CDH10: variants seen among roughly 807,000 people sequenced by gnomAD.
CDH10 encodes the protein cadherin-10.
A neutral mutation model predicts 73.1 loss-of-function variants in CDH10; 30 were observed. That is an observed-to-expected ratio of 0.41 (90% CI 0.31 to 0.56). CDH10 has a LOEUF of 0.56. CDH10 is among the 20% of genes least tolerant of loss of function. The probability of loss-of-function intolerance (pLI) is 0.27; values close to 1 mark genes in which losing one functional copy is unlikely to be tolerated. For synonymous variants in CDH10, 345 were observed against 348.2 expected, an observed-to-expected ratio of 0.99 and a Z score of 0.10; for missense variants, 815 against 973.7, an observed-to-expected ratio of 0.84 and a Z score of 2.17.
At chr5:24,541,484 A>C (rs988062410) in intron 2 of CDH10, among the ~76,000 whole-genome samples, 1 of 152,022 alleles carries the variant, frequency 6.6e-6, no homozygotes, top group Non-Finnish European at 1.5e-5. Context: ...ATATCAGGTA[A>C]CAACACTTGG....
intron 8 of CDH10, among the ~76,000 whole-genome samples, chr5:24,501,145 A>G (rs1348448636): frequency 6.6e-6 from 1 of 152,194 alleles, no homozygotes; most frequent in East Asian, 1.9e-4. Flanking sequence ...TTTCCTTTCA[A>G]TATAAAGTCT....
chr5:24,539,768 C>A (rs1002961282), intron 2 of CDH10, among the ~76,000 whole-genome samples: 1 of 151,910 alleles, frequency 6.6e-6, no homozygotes, highest in Non-Finnish European at 1.5e-5. Flanking sequence ...ATCCAGGAAA[C>A]CACTCTTAAA....
intron 1 of CDH10, among the ~76,000 whole-genome samples, chr5:24,608,417 C>A (rs960122534): frequency 1.1e-4 from 17 of 152,064 alleles, no homozygotes; most frequent in Admixed American, 1.3e-4. Flanking sequence ...CTCAGCCTCC[C>A]GAGTAACTGG....
chr5:24,582,274 C>T (rs752575793), intron 2 of CDH10, among the ~76,000 whole-genome samples: 3 of 151,980 alleles, frequency 2.0e-5, no homozygotes, highest in Admixed American at 1.3e-4. Context: ...AATTCAAATA[C>T]GTTTATGTAG....
rs770913066 is a variant in CDH10, at chr5:24,505,168, G to A, written c.1337C>T (p.Pro446Leu). The change falls in exon 8 of 12, where the codon CCT becomes CTT. Residue 446 changes from proline (P) to leucine (L), a missense_variant. Pro to Leu is a moderately conservative substitution (Grantham distance 98). This residue lies in a region of CDH10 where 516 missense variants were observed against 636.6 expected (regional missense o/e 0.81). Coordinates refer to ENST00000264463, the MANE Select transcript of CDH10 (RefSeq NM_006727.5). ...SGNGSLYTSK[P>L]LDRELSQWHN... The stretch of plus-strand genomic sequence containing the variant: ...CCACTGAGATAGTTCACGGTCAAGA[G>A]GTTTTGATGTATAAAGAGATCCATT... The A allele has an allele frequency of 1.9e-6, 3 of 1,612,116 alleles. No individual in the cohort carries two copies. Among genetic ancestry groups the A allele is most frequent in the South Asian group, 1.1e-5 (1 of 91,012 alleles).
intron 2 of CDH10, among the ~76,000 whole-genome samples, chr5:24,551,296 T>C (rs1744533289): frequency 6.6e-6 from 1 of 152,208 alleles, no homozygotes; most frequent in Non-Finnish European, 1.5e-5. Flanking sequence ...ATTTTATTAT[T>C]CCCTCTTGTT....
At chr5:24,521,612 C>CA (rs201455050) in intron 5 of CDH10, among the ~76,000 whole-genome samples, 2,952 of 147,844 alleles carry the variant, frequency 0.02, 95 homozygotes, top group African/African-American at 0.069. Context: ...AACTCTGTCT[C>CA]AAAAAAAAGA....
chr5:24,596,452 C>T (rs1231141444), intron 1 of CDH10, among the ~76,000 whole-genome samples: 2 of 151,706 alleles, frequency 1.3e-5, no homozygotes, highest in Admixed American at 6.6e-5. Context: ...TACTAACGGC[C>T]GTTTTCCTTA....
chr5:24,608,915 T>G (rs983563369), intron 1 of CDH10, among the ~76,000 whole-genome samples: 9 of 152,230 alleles, frequency 5.9e-5, no homozygotes, highest in African/African-American at 2.2e-4. Flanking sequence ...TAACACATTA[T>G]GCATAGCTGC....
chr5:24,624,103 G>A (rs1266854813), intron 1 of CDH10, among the ~76,000 whole-genome samples: 1 of 152,122 alleles, frequency 6.6e-6, no homozygotes, highest in Non-Finnish European at 1.5e-5. Context: ...CTGAGGTCTA[G>A]TAGAGAAAAA....
chr5:24,573,559 A>G (rs911174122), intron 2 of CDH10, among the ~76,000 whole-genome samples: 6 of 151,560 alleles, frequency 4.0e-5, no homozygotes, highest in Admixed American at 6.6e-5. Context: ...AAATTAGCCG[A>G]GCGTGGTGGC....
chr5:24,642,140 A>G (rs1748074123), intron 1 of CDH10, among the ~76,000 whole-genome samples: 1 of 152,142 alleles, frequency 6.6e-6, no homozygotes, highest in Non-Finnish European at 1.5e-5. Flanking sequence ...TATTACTGAT[A>G]ATAACACTTA....
At position 24,487,735 on chromosome 5, in the gene CDH10, G is replaced by T. The variant is rs1741891866; in HGVS notation, c.2295C>A (p.Leu765=). ...TATTAAACCGAGGGCCCCATTCTCGGAGGTAATCGTAGTTTTGGTCTCCTT... is the reference window on the plus strand; with the variant it reads ...TATTAAACCGAGGGCCCCATTCTCGTAGGTAATCGTAGTTTTGGTCTCCTT... ...TTEGDQNYDY[L]REWGPRFNKL... Residue 765 remains leucine (L), a synonymous_variant, in exon 12 of 12, where the codon CTC becomes CTA. Transcript: ENST00000264463. 1.9e-6 allele frequency: 3 copies of T among 1,613,612 alleles called. No homozygotes were observed. The highest frequency in any genetic ancestry group is 1.1e-5 in the South Asian group (1 of 91,048).
rs1277867045 is a variant in CDH10, at chr5:24,509,618, T to C, written c.1204A>G (p.Ile402Val). The C allele has an allele frequency of 1.2e-6, 2 of 1,613,932 alleles. No homozygotes were observed. Among genetic ancestry groups the C allele is most frequent in the Non-Finnish European group, 1.7e-6 (2 of 1,179,862 alleles). ...TCCCTTGCCATTACAGTACCAATGATTGTGCCCACTTCAATATCTTCATGA... is the reference window on the plus strand; with the variant it reads ...TCCCTTGCCATTACAGTACCAATGACTGTGCCCACTTCAATATCTTCATGA... Reference protein sequence around the residue: ...EVHEDIEVGTIIGTVMARDPD... With the variant: ...EVHEDIEVGTVIGTVMARDPD... The change falls in exon 7 of 12, where the codon ATC becomes GTC. Residue 402 changes from isoleucine to valine, a missense_variant. Ile to Val is a conservative substitution (Grantham distance 29). Transcript: ENST00000264463.
At chr5:24,630,289 T>A (rs1747659213) in intron 1 of CDH10, among the ~76,000 whole-genome samples, 1 of 152,052 alleles carries the variant, frequency 6.6e-6, no homozygotes, top group Non-Finnish European at 1.5e-5. Flanking sequence ...GGCTCACTCC[T>A]GTAATCCCAG....
intron 1 of CDH10, among the ~76,000 whole-genome samples, chr5:24,618,207 T>C (rs1747188302): frequency 6.6e-6 from 1 of 152,184 alleles, no homozygotes; most frequent in African/African-American, 2.4e-5. Flanking sequence ...TGATGTAAAA[T>C]CATTTAACAT....
chr5:24,595,642 T>C (rs1321222337), intron 1 of CDH10, among the ~76,000 whole-genome samples: 1 of 151,942 alleles, frequency 6.6e-6, no homozygotes, highest in Non-Finnish European at 1.5e-5. Context: ...TCTCCAGAAA[T>C]GTACTCTATT....
At chr5:24,511,908 T>C (rs552209196) in intron 5 of CDH10, among the ~76,000 whole-genome samples, 37 of 152,270 alleles carry the variant, frequency 2.4e-4, no homozygotes, top group Middle Eastern at 6.8e-3. Context: ...TCACACGTTA[T>C]CACTCATAAG....
intron 1 of CDH10, among the ~76,000 whole-genome samples, chr5:24,627,782 A>T (rs940553055): frequency 3.3e-5 from 5 of 152,114 alleles, no homozygotes; most frequent in Non-Finnish European, 7.3e-5. Context: ...AATAGCAGAA[A>T]AAACATCTAC....
Sources: gnomAD v4.1 joint callset for allele counts (sites outside exome capture counted in the v4.1 genomes callset) on GRCh38, gnomAD v4.1.1 for gene constraint, gnomAD v4.1.1 regional missense constraint, MANE v1.5 for transcripts, NCBI Gene and HGNC (gene_info 2026-07-23, HGNC 2026-07-21) for gene names.